Variants in CDH4 observed in about 807,000 individuals in gnomAD.
The protein encoded by CDH4 is cadherin-4.
Under a neutral mutation model 86.0 loss-of-function variants are expected in CDH4, and 33 were observed. The ratio of observed to expected loss-of-function variants is 0.38; its 90% CI spans 0.29 to 0.51. The LOEUF (loss-of-function observed/expected upper bound fraction) is 0.51. Ranked by LOEUF, CDH4 falls within the 20% of genes least tolerant of loss-of-function variation. The pLI, the probability that CDH4 is intolerant of heterozygous loss-of-function variation, is 0.86. For missense variants in CDH4, 1,114 were observed against 1,307.4 expected (o/e 0.85, Z 2.28); for synonymous variants, 555 against 549.4 (o/e 1.01, Z -0.14).
At chr20:61,430,754 A>C (rs76430776) in intron 2 of CDH4, among the ~76,000 whole-genome samples, 4,343 of 152,270 alleles carry the variant, frequency 0.029, 98 homozygotes, top group Non-Finnish European at 0.044. Flanking sequence ...CTTCACATTA[A>C]CCGAAAATTG....
intron 2 of CDH4, among the ~76,000 whole-genome samples, chr20:61,692,034 G>A: frequency 6.6e-6 from 1 of 152,256 alleles, no homozygotes; most frequent in Non-Finnish European, 1.5e-5. Context: ...CTTAGAGCAA[G>A]GAAATTTCCA....
intron 2 of CDH4, among the ~76,000 whole-genome samples, chr20:61,690,497 G>A (rs1307259545): frequency 5.3e-5 from 8 of 152,260 alleles, no homozygotes; most frequent in South Asian, 2.1e-4. Context: ...GGCCAAGGAA[G>A]GAGTGTGGAC....
At chr20:61,871,568 G>T (rs1983803517) in intron 6 of CDH4, among the ~76,000 whole-genome samples, 1 of 152,154 alleles carries the variant, frequency 6.6e-6, no homozygotes. Flanking sequence ...TGCACTTCAG[G>T]GTTTTCCTCT....
chr20:61,652,849 A>AT (rs11482361), intron 2 of CDH4, among the ~76,000 whole-genome samples: 529 of 15,820 alleles, frequency 0.033, 3 homozygotes, highest in African/African-American at 0.048. Context: ...AAAATCAAGA[A>AT]TTTTTTTTTG....
intron 2 of CDH4, among the ~76,000 whole-genome samples, chr20:61,701,077 G>C (rs1374076753): frequency 6.6e-6 from 1 of 152,184 alleles, no homozygotes; most frequent in African/African-American, 2.4e-5. Flanking sequence ...CCGTCAGAGA[G>C]CTCGGAGGGA....
chr20:61,902,589 G>A lies in CDH4; in HGVS notation c.1188+7542G>A, dbSNP rs116543283. Reference sequence around the variant, plus strand: ...GCGCTTTGGCTGCCGGAAGGTCTCCGTGGCAACTCCGAAACTCCGCCATTG... The same window carrying A: ...GCGCTTTGGCTGCCGGAAGGTCTCCATGGCAACTCCGAAACTCCGCCATTG... On this transcript the variant is annotated intron_variant, in intron 8 of 15. Transcript: ENST00000614565. This position sits in a 1 kb window ranked among gnomAD's most constrained non-coding sequence, Gnocchi z 4.6. 3.8e-3 allele frequency among the ~76,000 whole-genome samples: 579 copies of A among 152,314 alleles called. 1 individual carries two copies. The highest frequency in any genetic ancestry group is 0.01 in the African/African-American group (429 of 41,574).
chr20:61,305,315 A>G (rs1483038022), intron 2 of CDH4, among the ~76,000 whole-genome samples: 5 of 152,098 alleles, frequency 3.3e-5, no homozygotes, highest in African/African-American at 7.2e-5. Flanking sequence ...CACCTGCCGT[A>G]TCTTATGCAG....
intron 2 of CDH4, among the ~76,000 whole-genome samples, chr20:61,264,289 A>T (rs1335717311): frequency 6.6e-6 from 1 of 151,980 alleles, no homozygotes; most frequent in East Asian, 1.9e-4. Context: ...ATTCAGTCCT[A>T]CACATACCTC....
intron 2 of CDH4, among the ~76,000 whole-genome samples, chr20:61,357,307 C>T (rs1052153072): frequency 4.6e-5 from 7 of 152,212 alleles, no homozygotes; most frequent in East Asian, 1.9e-4. Flanking sequence ...CTGAGACATC[C>T]GGTAGGCAGG....
chr20:61,281,688 T>G (rs548112301), intron 2 of CDH4, among the ~76,000 whole-genome samples: 4 of 152,228 alleles, frequency 2.6e-5, no homozygotes, highest in Admixed American at 2.6e-4. Flanking sequence ...AAATCCTCAG[T>G]GTTGGGGGGC....
chr20:61,712,698 G>A (rs1274469232), intron 2 of CDH4, among the ~76,000 whole-genome samples: 1 of 152,234 alleles, frequency 6.6e-6, no homozygotes. Flanking sequence ...CAGGGTATGA[G>A]TGCCCAGAAG....
chr20:61,919,593 T>C (rs1568887221), intron 9 of CDH4, among the ~76,000 whole-genome samples: 1 of 152,250 alleles, frequency 6.6e-6, no homozygotes, highest in Non-Finnish European at 1.5e-5. Context: ...TCATGCTTCT[T>C]GGGGAAAGCT....
chr20:61,678,912 C>T (rs2087475838), intron 2 of CDH4, among the ~76,000 whole-genome samples: 1 of 152,238 alleles, frequency 6.6e-6, no homozygotes, highest in Admixed American at 6.5e-5. Context: ...GTCCCATTCT[C>T]AGGTTCTAGG....
chr20:61,607,817 T>G (rs1253450439), intron 2 of CDH4, among the ~76,000 whole-genome samples: 1 of 152,192 alleles, frequency 6.6e-6, no homozygotes, highest in Non-Finnish European at 1.5e-5. Flanking sequence ...GCGGCTGTCC[T>G]TAGTAGCCAA....
At chr20:61,815,985 G>A (rs1056028004) in intron 4 of CDH4, among the ~76,000 whole-genome samples, 19 of 152,086 alleles carry the variant, frequency 1.2e-4, no homozygotes, top group African/African-American at 3.6e-4. Context: ...ACTTGGCCTC[G>A]GCACCAAGGA....
At chr20:61,307,821 G>A (rs2084425616) in intron 2 of CDH4, among the ~76,000 whole-genome samples, 1 of 152,184 alleles carries the variant, frequency 6.6e-6, no homozygotes, top group Admixed American at 6.5e-5. Context: ...AAGGTGTAAG[G>A]GATGTGGAGC....
At chr20:61,526,630 C>T (rs2085912926) in intron 2 of CDH4, among the ~76,000 whole-genome samples, 1 of 148,310 alleles carries the variant, frequency 6.7e-6, no homozygotes, top group African/African-American at 2.5e-5. Flanking sequence ...GTATATCTCC[C>T]AATGCTATCC....
chr20:61,545,894 C>CGTGT (rs775961706), intron 2 of CDH4, among the ~76,000 whole-genome samples: 12 of 65,636 alleles, frequency 1.8e-4, no homozygotes, highest in African/African-American at 2.4e-4. Flanking sequence ...GGTATGTGTT[C>CGTGT]GTATGTGTGT....
chr20:61,929,497 G>T, intron 12 of CDH4, 112 bp from the exon 13 acceptor site: 1 of 737,092 alleles, frequency 1.4e-6, no homozygotes. Flanking sequence ...GTGGTAACCA[G>T]GCAGCCATTT....
Sources: gnomAD v4.1 joint callset for allele counts (sites outside exome capture counted in the v4.1 genomes callset) on GRCh38, gnomAD v4.1.1 for gene constraint, Gnocchi (gnomAD v3.1) non-coding constraint, MANE v1.5 for transcripts, NCBI Gene and HGNC (gene_info 2026-07-23, HGNC 2026-07-21) for gene names.